The following CACNB4 variants were observed in gnomAD, a reference collection of about 807,000 sequenced individuals.
The protein encoded by CACNB4 is calcium voltage-gated channel auxiliary subunit beta 4.
Under a neutral mutation model 71.2 loss-of-function variants are expected in CACNB4, and 32 were observed. That is an observed-to-expected ratio of 0.45 (90% CI 0.34 to 0.60). The LOEUF (loss-of-function observed/expected upper bound fraction) is 0.60, where lower values mean the gene tolerates loss of function less well. Among genes scored for constraint, CACNB4 ranks in the 20% least tolerant of loss-of-function variants. CACNB4 has a pLI of 0.01. For synonymous variants in CACNB4, 231 were observed against 236.9 expected (o/e 0.97, Z 0.23); for missense variants, 464 against 647.9 (o/e 0.72, Z 3.08).
chr2:152,029,631 G>A (rs1684174114), intron 2 of CACNB4, among the ~76,000 whole-genome samples: 2 of 152,122 alleles, frequency 1.3e-5, no homozygotes, highest in Admixed American at 1.3e-4. Flanking sequence ...TGGTCTGAAT[G>A]TTTGTGTCCC....
chr2:151,937,275 G>C (rs773074303), intron 2 of CACNB4, among the ~76,000 whole-genome samples: 7 of 152,190 alleles, frequency 4.6e-5, no homozygotes, highest in Non-Finnish European at 1.0e-4. Context: ...CTTTCTGCCA[G>C]TCCCAGGGTC....
At chr2:151,986,488 C>A (rs1166727504) in intron 2 of CACNB4, among the ~76,000 whole-genome samples, 3 of 152,150 alleles carry the variant, frequency 2.0e-5, no homozygotes, top group Admixed American at 6.5e-5. Flanking sequence ...CTCCCAATCC[C>A]ACTCCCATCT....
chr2:152,036,455 A>T (rs1259757000), intron 2 of CACNB4, among the ~76,000 whole-genome samples: 1 of 152,056 alleles, frequency 6.6e-6, no homozygotes, highest in Non-Finnish European at 1.5e-5. Flanking sequence ...GCGCGCCACC[A>T]TGCCTGGCTA....
At chr2:151,920,322 T>C (rs1450045190) in intron 2 of CACNB4, among the ~76,000 whole-genome samples, 1,833 of 140,492 alleles carry the variant, frequency 0.013, 33 homozygotes, top group Non-Finnish European at 0.023. Flanking sequence ...CTTCTTCTTT[T>C]TTTTTTTTTT....
intron 2 of CACNB4, among the ~76,000 whole-genome samples, chr2:151,994,282 T>C (rs915936620): frequency 2.6e-5 from 4 of 151,766 alleles, no homozygotes; most frequent in Non-Finnish European, 4.4e-5. Flanking sequence ...CAGGCTGGAG[T>C]GCAGTGGCAT....
chr2:151,989,800 A>G (rs1052478236), intron 2 of CACNB4, among the ~76,000 whole-genome samples: 4 of 152,172 alleles, frequency 2.6e-5, no homozygotes, highest in African/African-American at 7.2e-5. Flanking sequence ...ACTCACCTCC[A>G]TCTCCTTCGA....
At chr2:152,025,957 T>G (rs1306150103) in intron 2 of CACNB4, among the ~76,000 whole-genome samples, 1 of 152,248 alleles carries the variant, frequency 6.6e-6, no homozygotes, top group African/African-American at 2.4e-5. Flanking sequence ...TTGCTCCATC[T>G]ATCTCCGTGT....
intron 2 of CACNB4, among the ~76,000 whole-genome samples, chr2:151,925,844 T>A (rs867931284): frequency 6.6e-6 from 1 of 152,074 alleles, no homozygotes; most frequent in Non-Finnish European, 1.5e-5. Context: ...ATGGATTGGA[T>A]GCAGGATGTG....
chr2:152,012,265 G>A (rs1044541087), intron 2 of CACNB4, among the ~76,000 whole-genome samples: 1 of 152,106 alleles, frequency 6.6e-6, no homozygotes, highest in Non-Finnish European at 1.5e-5. Context: ...CGAGACTGAT[G>A]AGCCTCACTC....
At chr2:152,060,681 T>C (rs1436834028) in intron 2 of CACNB4, among the ~76,000 whole-genome samples, 1 of 152,202 alleles carries the variant, frequency 6.6e-6, no homozygotes, top group Non-Finnish European at 1.5e-5. Flanking sequence ...CAAGAAAATA[T>C]AAGATATTGG....
intron 2 of CACNB4, among the ~76,000 whole-genome samples, chr2:151,986,708 A>G (rs1681390546): frequency 6.6e-6 from 1 of 152,180 alleles, no homozygotes; most frequent in African/African-American, 2.4e-5. Flanking sequence ...TATTAGAGAG[A>G]AAAGTTCCCT....
intron 2 of CACNB4, among the ~76,000 whole-genome samples, chr2:152,064,597 A>G (rs4487088): frequency 1 from 151,387 of 152,102 alleles, 75,338 homozygotes; most frequent in Middle Eastern, 1. Context: ...TGGCCAGGCT[A>G]GTCTCAAACT....
At chr2:151,921,169 A>G (rs147261747) in intron 2 of CACNB4, among the ~76,000 whole-genome samples, 62 of 49,106 alleles carry the variant, frequency 1.3e-3, no homozygotes, top group Middle Eastern at 0.016. Flanking sequence ...AAATAAATAA[A>G]TAAATAAATA....
At chr2:151,861,066 C>A (rs1271072718) in intron 9 of CACNB4, 5 of 488,654 alleles carry the variant, frequency 1.0e-5, no homozygotes, top group African/African-American at 6.0e-5. Context: ...GTTCTTCCTC[C>A]ATTATGGCCT....
At chr2:151,971,967 G>C (rs2099872664) in intron 2 of CACNB4, 2 of 211,886 alleles carry the variant, frequency 9.4e-6, no homozygotes, top group African/African-American at 4.7e-5. Context: ...GCAGTACCTA[G>C]CACTACCCGC....
At chr2:151,938,906 G>A (rs151221135) in intron 2 of CACNB4, among the ~76,000 whole-genome samples, 75 of 152,284 alleles carry the variant, frequency 4.9e-4, no homozygotes, top group African/African-American at 1.8e-3. Context: ...GAGATGGATT[G>A]GGAATCAGGA....
chr2:151,919,887 TC>T (rs200415143), intron 2 of CACNB4, among the ~76,000 whole-genome samples: 16,164 of 152,130 alleles, frequency 0.11, 1,609 homozygotes, highest in East Asian at 0.55. Flanking sequence ...AATTATTTCC[TC>T]ACACAAAAAC....
At chr2:151,921,771 G>A (rs1384027046) in intron 2 of CACNB4, among the ~76,000 whole-genome samples, 1 of 152,168 alleles carries the variant, frequency 6.6e-6, no homozygotes, top group Non-Finnish European at 1.5e-5. Context: ...TGCTGTTCTT[G>A]TGATAGTGAG....
At chr2:152,072,307 G>A (rs1579244328) in intron 2 of CACNB4, among the ~76,000 whole-genome samples, 1 of 152,214 alleles carries the variant, frequency 6.6e-6, no homozygotes, top group South Asian at 2.1e-4. Context: ...ACAGATCTGG[G>A]GGAATGTCCA....
Sources: allele counts gnomAD v4.1 joint callset (sites outside exome capture counted in the v4.1 genomes callset), GRCh38; gene constraint gnomAD v4.1.1; transcripts MANE v1.5; gene names NCBI Gene and HGNC (gene_info 2026-07-23, HGNC 2026-07-21).